Variants in UNC79 observed in about 807,000 individuals in gnomAD.
UNC79 encodes the protein protein unc-79 homolog.
In UNC79, 37 loss-of-function variants were observed where a neutral mutation model predicts 283.1. That is an observed-to-expected ratio of 0.13 (90% CI 0.10 to 0.17). UNC79 has a LOEUF of 0.17. Among genes scored for constraint, UNC79 ranks in the 10% least tolerant of loss-of-function variants. UNC79 has a pLI of 1.00. For missense variants in UNC79, 2,272 were observed against 3,211.1 expected (o/e 0.71, Z 7.07); for synonymous variants, 1,107 against 1,200.2 (o/e 0.92, Z 1.61).
intron 2 of UNC79, among the ~76,000 whole-genome samples, 152 bp downstream of exon 2, chr14:93,467,943 T>C (rs2057300358): frequency 6.6e-6 from 1 of 151,972 alleles, no homozygotes. Flanking sequence ...TCTCTGGGTG[T>C]ATGTAGCAAA....
chr14:93,535,600 G>A (rs760595953), intron 11 of UNC79, among the ~76,000 whole-genome samples: 1 of 152,128 alleles, frequency 6.6e-6, no homozygotes, highest in Admixed American at 6.6e-5. Flanking sequence ...GAATGCTGAG[G>A]GTTTTAATTA....
chr14:93,600,684 G>C, exon 25 of UNC79: 1 of 1,613,876 alleles, frequency 6.2e-7, no homozygotes, highest in Non-Finnish European at 8.5e-7. Flanking sequence ...GCTCTGAGCT[G>C]GGAGTTCTTT....
intron 1 of UNC79, among the ~76,000 whole-genome samples, chr14:93,411,317 G>A (rs540479265): frequency 1.1e-4 from 17 of 152,276 alleles, no homozygotes; most frequent in South Asian, 6.2e-4. Flanking sequence ...GTTTTTGACC[G>A]TAGTCTCTGG....
At chr14:93,495,459 G>T (rs1337401085) in intron 5 of UNC79, among the ~76,000 whole-genome samples, 1 of 152,134 alleles carries the variant, frequency 6.6e-6, no homozygotes, top group African/African-American at 2.4e-5. Context: ...CTAAAACCTG[G>T]GGATTACAAT....
chr14:93,396,356 T>A (rs1371866368), intron 1 of UNC79, among the ~76,000 whole-genome samples: 2 of 152,164 alleles, frequency 1.3e-5, no homozygotes, highest in African/African-American at 2.4e-5. Context: ...ATGATTTAGT[T>A]CTTTGAATAT....
intron 1 of UNC79, among the ~76,000 whole-genome samples, chr14:93,361,521 AAAAAG>A (rs1396405531): frequency 5.3e-4 from 80 of 152,154 alleles, no homozygotes; most frequent in African/African-American, 1.7e-3. Context: ...AAAAAAAAAA[AAAAAG>A]AAAGAAATGC....
chr14:93,503,968 T>C (rs566686744), intron 7 of UNC79, among the ~76,000 whole-genome samples: 1 of 152,108 alleles, frequency 6.6e-6, no homozygotes, highest in Non-Finnish European at 1.5e-5. Context: ...TAACGGCCAA[T>C]CTCTTCTCTT....
chr14:93,612,818 A>T (rs998706901), exon 27 of UNC79: 2 of 1,613,874 alleles, frequency 1.2e-6, no homozygotes, highest in Non-Finnish European at 1.7e-6. Context: ...CCTGAGAATG[A>T]CAACACCATC....
At position 93,357,730 on chromosome 14, in the gene UNC79, GATGT is replaced by G. The variant is rs1416382493; in HGVS notation, c.-351+24210_-351+24213del. Among the ~76,000 whole-genome samples, 151 of 56,006 alleles carry G rather than the reference GATGT, an allele frequency of 2.7e-3. 3 individuals carry two copies. The highest frequency in any genetic ancestry group is 9.7e-3 in the African/African-American group (137 of 14,196). The allele number at this position is 56,006 out of a possible 152,430, so 36.7% of individuals were successfully genotyped here. On this transcript the variant is annotated intron_variant, in intron 1 of 49. Coordinates refer to the UNC79 transcript ENST00000256339. ...ATATATATATATATATGGATATATGGATGTATATATATATATGGATATATGGATA... is the reference window on the plus strand; with the variant it reads ...ATATATATATATATATGGATATATGGATATATATATATGGATATATGGATA...
rs1233955269 is a variant in UNC79 at position 93,542,715 on chromosome 14, C to T, written c.1755+19C>T. 1 of 1,613,150 alleles carries T rather than the reference C, an allele frequency of 6.2e-7. No homozygotes were observed. On this transcript the variant is annotated intron_variant, in intron 14 of 48. Coordinates refer to ENST00000555664, the Ensembl canonical transcript of UNC79. ...TGCCAGGGTAAGTGGAGGCCTACAG[C>T]TCACACCTTGTTAGAGAGGAGGACT...
At chr14:93,529,219 A>G in intron 9 of UNC79, 67 bp from the exon 10 acceptor site, 2 of 1,564,724 alleles carry the variant, frequency 1.3e-6, no homozygotes, top group Non-Finnish European at 1.8e-6. Flanking sequence ...TGTGCAGCTT[A>G]TAAACATTCA....
chr14:93,417,418 T>C (rs1477255248), intron 1 of UNC79, among the ~76,000 whole-genome samples: 1 of 152,198 alleles, frequency 6.6e-6, no homozygotes, highest in East Asian at 1.9e-4. Flanking sequence ...CTTCCCTTTG[T>C]GGGTAACCCG....
At chr14:93,694,441 C>T (rs770656476) in intron 47 of UNC79, 29 bp downstream of exon 50, 77 of 1,578,038 alleles carry the variant, frequency 4.9e-5, no homozygotes, top group Non-Finnish European at 6.5e-5. Flanking sequence ...TTTTAAAGAC[C>T]ATTTCTTACT....
intron 22 of UNC79, among the ~76,000 whole-genome samples, chr14:93,589,682 G>A (rs2064512217): frequency 6.6e-6 from 1 of 152,156 alleles, no homozygotes; most frequent in African/African-American, 2.4e-5. Flanking sequence ...CTGCTAAGAG[G>A]AGGCCTGGAG....
At chr14:93,561,931 T>C (rs2062582444) in intron 14 of UNC79, among the ~76,000 whole-genome samples, 1 of 152,140 alleles carries the variant, frequency 6.6e-6, no homozygotes, top group African/African-American at 2.4e-5. Context: ...TGGGGCGCAG[T>C]CCAAGTAGTG....
chr14:93,427,542 T>G (rs1016761244), upstream of UNC79, among the ~76,000 whole-genome samples: 1 of 152,170 alleles, frequency 6.6e-6, no homozygotes, highest in South Asian at 2.1e-4. Flanking sequence ...CAATACAAAC[T>G]TTCTCCTTCC....
At chr14:93,406,589 A>C (rs937480231) in intron 1 of UNC79, among the ~76,000 whole-genome samples, 1 of 152,174 alleles carries the variant, frequency 6.6e-6, no homozygotes, top group Non-Finnish European at 1.5e-5. Context: ...TCCTGTCTCT[A>C]AAAAGAAAAC....
intron 31 of UNC79, among the ~76,000 whole-genome samples, chr14:93,635,387 AT>A (rs2068422118): frequency 1.3e-5 from 2 of 152,192 alleles, no homozygotes. Context: ...ACCTTGCAAC[AT>A]GCATGCACCA....
intron 4 of UNC79, among the ~76,000 whole-genome samples, chr14:93,481,052 G>A (rs953335578): frequency 3.3e-5 from 5 of 152,062 alleles, no homozygotes; most frequent in Non-Finnish European, 5.9e-5. Context: ...CAGAGTAAGA[G>A]GCCAGCATGT....
Sources: gnomAD v4.1 joint callset for allele counts (sites outside exome capture counted in the v4.1 genomes callset) on GRCh38, gnomAD v4.1.1 for gene constraint, MANE v1.5 for transcripts, NCBI Gene and HGNC (gene_info 2026-07-23, HGNC 2026-07-21) for gene names.